CNTNAP2: variants seen among roughly 807,000 people sequenced by gnomAD.
CNTNAP2 encodes contactin-associated protein-like 2.
A neutral mutation model predicts 155.2 loss-of-function variants in CNTNAP2; 98 were observed. The observed-to-expected ratio is 0.63, with a 90% confidence interval of 0.54 to 0.75. The LOEUF is 0.75. Ranked by LOEUF, CNTNAP2 falls within the 30% of genes least tolerant of loss-of-function variation. The pLI is 0.00. For synonymous variants in CNTNAP2, 651 were observed against 631.2 expected (o/e 1.03, Z -0.47); for missense variants, 1,727 against 1,688.1 (o/e 1.02, Z -0.40).
intron 1 of CNTNAP2, among the ~76,000 whole-genome samples, chr7:146,688,767 C>G (rs1345836560): frequency 6.6e-6 from 1 of 152,056 alleles, no homozygotes; most frequent in Non-Finnish European, 1.5e-5. Context: ...CTGACACATA[C>G]CAATTGGAGA....
intron 1 of CNTNAP2, among the ~76,000 whole-genome samples, chr7:146,191,449 G>A (rs999074275): frequency 6.6e-6 from 1 of 152,104 alleles, no homozygotes; most frequent in Non-Finnish European, 1.5e-5. Context: ...TGAAGTTTTG[G>A]GCACATATTG....
chr7:146,967,888 A>C (rs1249001252), intron 3 of CNTNAP2, among the ~76,000 whole-genome samples: 2 of 151,934 alleles, frequency 1.3e-5, no homozygotes, highest in African/African-American at 2.4e-5. Context: ...GTCTTGTGCC[A>C]GTTTTCAAAG....
intron 1 of CNTNAP2, among the ~76,000 whole-genome samples, chr7:146,660,273 T>G (rs1800064588): frequency 6.6e-6 from 1 of 152,178 alleles, no homozygotes; most frequent in Non-Finnish European, 1.5e-5. Context: ...GAATCCCTTA[T>G]AAAACAGACC....
Position 148,172,473 on chromosome 7 carries a change from A to T in CNTNAP2, c.3005A>T (p.Asn1002Ile), listed in dbSNP as rs1227937536. ...SNTAYDGTFC[N>I]KDVGAFFEEG... Reference sequence around the variant, plus strand: ...ACTGCATATGATGGAACATTTTGCAACAAAGGTAAGGTGGAACCCATTTCC... The same window carrying T: ...ACTGCATATGATGGAACATTTTGCATCAAAGGTAAGGTGGAACCCATTTCC... Residue 1002 changes from asparagine to isoleucine, a missense_variant, in exon 18 of 24, where the codon AAC (asparagine) becomes ATC (isoleucine). Asn to Ile is a moderately radical substitution (Grantham distance 149). Transcript: ENST00000361727. 1.2e-6 allele frequency: 2 copies of T among 1,613,928 alleles called. No individual in the cohort carries two copies. Among genetic ancestry groups the T allele is most frequent in the African/African-American group, 2.7e-5 (2 of 74,928 alleles).
intron 2 of CNTNAP2, among the ~76,000 whole-genome samples, chr7:146,796,586 C>T (rs555448271): frequency 6.6e-6 from 1 of 152,018 alleles, no homozygotes; most frequent in Non-Finnish European, 1.5e-5. Flanking sequence ...AAACGCAGTT[C>T]TATAATTAAA....
chr7:146,328,174 C>T (rs915049339), intron 1 of CNTNAP2, among the ~76,000 whole-genome samples: 2 of 152,166 alleles, frequency 1.3e-5, no homozygotes, highest in African/African-American at 4.8e-5. Context: ...AGCACGAACC[C>T]TATGGTGAAC....
intron 16 of CNTNAP2, among the ~76,000 whole-genome samples, chr7:148,137,574 ATAATT>A (rs914739544): frequency 7.2e-5 from 11 of 152,126 alleles, no homozygotes; most frequent in African/African-American, 2.7e-4. Context: ...AGGCAGGAGA[ATAATT>A]TAAACCTGGG....
intron 13 of CNTNAP2, among the ~76,000 whole-genome samples, chr7:147,867,047 T>C (rs544404159): frequency 2.0e-5 from 3 of 152,346 alleles, no homozygotes; most frequent in African/African-American, 7.2e-5. Context: ...ACAGCATCGA[T>C]GGTCTTTACC....
At chr7:148,053,255 C>A (rs184744685) in intron 15 of CNTNAP2, among the ~76,000 whole-genome samples, 3 of 151,954 alleles carry the variant, frequency 2.0e-5, no homozygotes, top group Non-Finnish European at 4.4e-5. Context: ...TGCAGGGGAA[C>A]CTTACATTTT....
chr7:147,737,293 G>A (rs970266899), intron 13 of CNTNAP2, among the ~76,000 whole-genome samples: 3 of 152,190 alleles, frequency 2.0e-5, no homozygotes, highest in Admixed American at 2.0e-4. Flanking sequence ...GTCCACTCCA[G>A]ACCCTGTTTG....
intron 3 of CNTNAP2, among the ~76,000 whole-genome samples, chr7:146,891,034 A>G (rs1430086361): frequency 6.6e-6 from 1 of 151,572 alleles, no homozygotes; most frequent in Non-Finnish European, 1.5e-5. Context: ...TGATACATAC[A>G]TATATATCTC....
chr7:147,026,352 G>A (rs991692873), intron 3 of CNTNAP2, among the ~76,000 whole-genome samples: 8 of 152,012 alleles, frequency 5.3e-5, no homozygotes, highest in African/African-American at 1.9e-4. Flanking sequence ...AAGATGATAG[G>A]ATCCCAAAGT....
At chr7:148,399,814 A>C (rs1204975141) in intron 22 of CNTNAP2, among the ~76,000 whole-genome samples, 4 of 152,200 alleles carry the variant, frequency 2.6e-5, no homozygotes, top group Non-Finnish European at 4.4e-5. Context: ...CCAAGGGAAA[A>C]AGGACAAGGT....
At chr7:146,951,298 A>G (rs931476375) in intron 3 of CNTNAP2, among the ~76,000 whole-genome samples, 21 of 152,252 alleles carry the variant, frequency 1.4e-4, no homozygotes, top group African/African-American at 4.8e-4. Context: ...CTTTAGTTTA[A>G]TTAGATCCCA....
chr7:146,472,868 T>G (rs80106617), intron 1 of CNTNAP2, among the ~76,000 whole-genome samples: 2,726 of 151,570 alleles, frequency 0.018, 48 homozygotes, highest in African/African-American at 0.044. Context: ...CCTCTTTTAA[T>G]ATTATCATTT....
chr7:146,627,701 C>T (rs1323662034), intron 1 of CNTNAP2, among the ~76,000 whole-genome samples: 2 of 152,102 alleles, frequency 1.3e-5, no homozygotes, highest in Non-Finnish European at 2.9e-5. Flanking sequence ...ATCAATTTCT[C>T]AGATCAAAGT....
At chr7:147,455,592 T>C (rs1326702636) in intron 10 of CNTNAP2, among the ~76,000 whole-genome samples, 1 of 152,136 alleles carries the variant, frequency 6.6e-6, no homozygotes, top group Non-Finnish European at 1.5e-5. Flanking sequence ...AGTAAAATCT[T>C]GATGTAAACT....
chr7:147,927,655 C>T (rs1043854087), intron 14 of CNTNAP2, among the ~76,000 whole-genome samples: 1 of 152,078 alleles, frequency 6.6e-6, no homozygotes, highest in African/African-American at 2.4e-5. Flanking sequence ...AATTTCATGC[C>T]ATAAGATTAA....
intron 14 of CNTNAP2, among the ~76,000 whole-genome samples, chr7:147,918,040 A>G (rs1221160972): frequency 1.3e-5 from 2 of 152,192 alleles, no homozygotes; most frequent in East Asian, 3.8e-4. Context: ...GCCTTTGCCC[A>G]CACCCCTCAT....
Sources: allele counts gnomAD v4.1 joint callset (sites outside exome capture counted in the v4.1 genomes callset), GRCh38; gene constraint gnomAD v4.1.1; transcripts MANE v1.5; gene names NCBI Gene and HGNC (gene_info 2026-07-23, HGNC 2026-07-21).